Variants in C6orf120 observed in about 807,000 individuals in gnomAD.
C6orf120 encodes UPF0669 protein C6orf120.
For missense variants in C6orf120, 311 were observed against 264.2 expected (o/e 1.18, Z -1.23); for synonymous variants, 165 against 123.1 (o/e 1.34, Z -2.25).
At chr6:169,703,068 C>A in exon 1 of C6orf120, 1 of 1,529,468 alleles carries the variant, frequency 6.5e-7, no homozygotes, top group Non-Finnish European at 8.8e-7. Context: ...ATAAAACCCT[C>A]CATCTGTGAA....
exon 1 of C6orf120, chr6:169,702,968 A>T: frequency 6.2e-7 from 1 of 1,605,222 alleles, no homozygotes; most frequent in Non-Finnish European, 8.5e-7. Flanking sequence ...GCCTCGCAAG[A>T]GGAGGAATCT....
chr6:169,703,148 G>A (rs1453762140), exon 1 of C6orf120: 5 of 1,167,998 alleles, frequency 4.3e-6, no homozygotes, highest in Non-Finnish European at 6.0e-6. Context: ...TTAGTCAAGG[G>A]ATGGAAAAAT....
At chr6:169,703,635 C>A (rs1029290322) in exon 1 of C6orf120, 2 of 236,596 alleles carry the variant, frequency 8.5e-6, no homozygotes, top group Non-Finnish European at 1.7e-5. Flanking sequence ...ATTTGTCATA[C>A]CTATGAAAAT....
exon 1 of C6orf120, chr6:169,704,628 G>A (rs1303614395): frequency 1.8e-5 from 3 of 169,360 alleles, no homozygotes; most frequent in South Asian, 4.1e-4. Flanking sequence ...TATTTTATAA[G>A]AGTATTATAC....
exon 1 of C6orf120, chr6:169,703,699 T>C (rs553189127): frequency 8.1e-6 from 3 of 371,888 alleles, no homozygotes; most frequent in African/African-American, 6.4e-5. Context: ...CCGGAAACAA[T>C]GTAGATTAGG....
chr6:169,703,810 A>G, exon 1 of C6orf120: 2 of 562,434 alleles, frequency 3.6e-6, no homozygotes, highest in East Asian at 3.4e-5. Context: ...CAAGGTTACT[A>G]TAAAATACTT....
exon 1 of C6orf120, chr6:169,703,048 A>C (rs778435063): frequency 6.5e-7 from 1 of 1,540,400 alleles, no homozygotes; most frequent in East Asian, 2.5e-5. Flanking sequence ...CGTTGACCAC[A>C]CTCTGGGATA....
At chr6:169,702,184 G>C (rs1381715454), upstream of C6orf120, 8 of 663,064 alleles carry the variant, frequency 1.2e-5, no homozygotes, top group South Asian at 1.5e-5. Flanking sequence ...GCGGCCCCCT[G>C]CGGGGAGTGG....
At chr6:169,705,659 T>G (rs1451824365), downstream of C6orf120, 33 of 1,584,524 alleles carry the variant, frequency 2.1e-5, no homozygotes, top group Admixed American at 6.7e-5. Flanking sequence ...ATTCAGCCTT[T>G]CCTTTCTTGT....
At chr6:169,705,833 T>C, downstream of C6orf120, 1 of 682,574 alleles carries the variant, frequency 1.5e-6, no homozygotes, top group Non-Finnish European at 2.7e-6. Flanking sequence ...AACTTGCTAA[T>C]GAGGACCATT....
At chr6:169,705,061 T>G, downstream of C6orf120, 3 of 1,159,326 alleles carry the variant, frequency 2.6e-6, no homozygotes, top group South Asian at 5.0e-5. Context: ...TGATAGCGTT[T>G]ATGCAGCCTT....
chr6:169,702,658 C>T (rs773117228), exon 1 of C6orf120: 7 of 1,613,338 alleles, frequency 4.3e-6, no homozygotes, highest in African/African-American at 1.3e-5. Context: ...CAAGATAGTC[C>T]TCAGGATGCG....
chr6:169,705,346 T>C, downstream of C6orf120: 1 of 1,516,208 alleles, frequency 6.6e-7, no homozygotes. Context: ...GTATTAGTGG[T>C]ATCTCACATA....
exon 1 of C6orf120, chr6:169,703,863 C>A: frequency 1.6e-6 from 1 of 644,076 alleles, no homozygotes; most frequent in Non-Finnish European, 2.6e-6. Flanking sequence ...CGAGAGTAAG[C>A]GTAGCTTTTA....
chr6:169,702,735 C>T (rs1292630296), exon 1 of C6orf120: 5 of 1,613,508 alleles, frequency 3.1e-6, no homozygotes, highest in Non-Finnish European at 4.2e-6. Context: ...TCGACGACTA[C>T]GAGCTGCAAT....
At chr6:169,704,277 C>T in exon 1 of C6orf120, 2 of 516,000 alleles carry the variant, frequency 3.9e-6, no homozygotes, top group Non-Finnish European at 6.9e-6. Flanking sequence ...CAATGCCATG[C>T]AAAATTCATT....
At chr6:169,702,160 CG>C, upstream of C6orf120, 1 of 630,696 alleles carries the variant, frequency 1.6e-6, no homozygotes, top group Non-Finnish European at 2.9e-6. Context: ...GCCTCGGGTC[CG>C]GATGTATAAA....
chr6:169,703,266 T>TA, exon 1 of C6orf120: 1 of 572,098 alleles, frequency 1.7e-6, no homozygotes, highest in Non-Finnish European at 3.2e-6. Context: ...CACAAAGTGT[T>TA]TAGACTCCAT....
rs1239940417 is a variant in C6orf120 at position 169,702,293 on chromosome 6, C to G, written c.-167C>G. On this transcript the variant is annotated 5_prime_UTR_variant, in exon 1 of 1. Transcript: ENST00000332290. ...GGGAGGGGTTAACCCACCCCTCCTC[C>G]CCGGGGCCTCACGCGGGTGGGAAGG... 3 of 671,030 alleles carry G rather than the reference C, an allele frequency of 4.5e-6. No homozygotes were observed. The African/African-American group carries it at 5.3e-5, about 12-fold the overall frequency. The allele number at this position is 671,030 out of a possible 1,614,324, so 41.6% of individuals were successfully genotyped here. A position where few individuals can be genotyped will look rare whatever the true frequency, so the allele number is the denominator to read the frequency against.
Sources: allele counts gnomAD v4.1 joint callset, GRCh38; gene constraint gnomAD v4.1.1; transcripts MANE v1.5; gene names NCBI Gene and HGNC (gene_info 2026-07-23, HGNC 2026-07-21).